The following RPGRIP1 variants were observed in gnomAD, a reference collection of about 807,000 sequenced individuals.
RPGRIP1 encodes X-linked retinitis pigmentosa GTPase regulator-interacting protein 1.
In RPGRIP1, 128 loss-of-function variants were observed where a neutral mutation model predicts 157.9. That is an observed-to-expected ratio of 0.81 (90% CI 0.70 to 0.94). The LOEUF (loss-of-function observed/expected upper bound fraction) is 0.94. Ranked by LOEUF, RPGRIP1 falls within the 40% of genes least tolerant of loss-of-function variation. RPGRIP1 has a pLI of 0.00. For missense variants in RPGRIP1, 1,486 were observed against 1,545.8 expected, an observed-to-expected ratio of 0.96 and a Z score of 0.65; for synonymous variants, 554 against 571.6, an observed-to-expected ratio of 0.97 and a Z score of 0.44.
At chr14:21,330,614 C>G (rs542254309) in intron 20 of RPGRIP1, among the ~76,000 whole-genome samples, 1 of 151,808 alleles carries the variant, frequency 6.6e-6, no homozygotes, top group Non-Finnish European at 1.5e-5. Context: ...TGCAGTGAGC[C>G]GAGATTGCAC....
intron 20 of RPGRIP1, among the ~76,000 whole-genome samples, chr14:21,331,667 G>A (rs187097319): frequency 4.6e-5 from 7 of 152,236 alleles, no homozygotes; most frequent in Non-Finnish European, 8.8e-5. Flanking sequence ...CTAGGAGAAG[G>A]GGAAGAGGGT....
chr14:21,327,785 A>G lies in RPGRIP1; in HGVS notation c.2873A>G (p.Glu958Gly). 3.1e-6 allele frequency: 5 copies of G among 1,600,316 alleles called. No individual in the cohort carries two copies. The highest frequency in any genetic ancestry group is 3.4e-6 in the Non-Finnish European group (4 of 1,173,334). The stretch of plus-strand genomic sequence containing the variant: ...AGTTCAAAGATCTCATCTGAAGAGG[A>G]AAAGGCTTCATTTCCTTCCCAGGTA... ...KDSSKISSEEEKASFPSQDQM... is the reference protein window; with the variant it reads ...KDSSKISSEEGKASFPSQDQM... Residue 958 changes from glutamate (E) to glycine (G), a missense_variant, in exon 18 of 25, where the codon GAA becomes GGA. By Grantham distance (98) the Glu-to-Gly change is moderately conservative (BLOSUM62 -2). Transcript: ENST00000400017.
intron 1 of RPGRIP1, among the ~76,000 whole-genome samples, chr14:21,285,711 T>C (rs1223065272): frequency 3.3e-5 from 5 of 151,340 alleles, no homozygotes; most frequent in African/African-American, 1.2e-4. Context: ...CAAGGTGTGA[T>C]TGGAGGAATA....
chr14:21,335,548 A>G (rs1272703259), intron 21 of RPGRIP1, among the ~76,000 whole-genome samples: 1 of 152,194 alleles, frequency 6.6e-6, no homozygotes, highest in Admixed American at 6.5e-5. Flanking sequence ...AAAGAAAAAA[A>G]AGCCGGTTGC....
chr14:21,307,342 C>G (rs1228635703), intron 6 of RPGRIP1, among the ~76,000 whole-genome samples: 1 of 152,262 alleles, frequency 6.6e-6, no homozygotes, highest in Non-Finnish European at 1.5e-5. Context: ...GCGTGAGCCA[C>G]GGTGCCTGGT....
intron 14 of RPGRIP1, 47 bp downstream of exon 14, chr14:21,322,051 C>T: frequency 1.3e-6 from 2 of 1,549,460 alleles, no homozygotes; most frequent in Non-Finnish European, 1.8e-6. Flanking sequence ...CCTTCCACAG[C>T]TAACGCCTGT....
chr14:21,343,470 C>T (rs574228979), intron 22 of RPGRIP1, among the ~76,000 whole-genome samples: 4 of 152,242 alleles, frequency 2.6e-5, no homozygotes, highest in South Asian at 2.1e-4. Flanking sequence ...CCTCAATCCA[C>T]GGCTTCCCAC....
intron 3 of RPGRIP1, among the ~76,000 whole-genome samples, chr14:21,295,506 G>A (rs1880734283): frequency 7.6e-6 from 1 of 132,176 alleles, no homozygotes; most frequent in African/African-American, 2.9e-5. Flanking sequence ...TTTTTGAGAT[G>A]GAGTTTTGCT....
At chr14:21,334,502 G>A (rs566950966) in intron 20 of RPGRIP1, 103 bp from the exon 21 acceptor site, 5 of 789,784 alleles carry the variant, frequency 6.3e-6, no homozygotes, top group East Asian at 2.7e-5. Context: ...CTAGACACTC[G>A]GAACTAGTGA....
chr14:21,325,313 A>G lies in RPGRIP1; in HGVS notation c.2297A>G (p.Asn766Ser), dbSNP rs183607403. ...FPIKPSLQAC[N>S]KRKKAQVYLS... ...ATAAAACCCAGCCTACAGGCGTGCA[A>G]TAAACGAAAGAAAGCCCAGGTCTAC... The change falls in exon 16 of 25, where the codon AAT becomes AGT. Residue 766 changes from asparagine (N) to serine (S), a missense_variant. Coordinates refer to ENST00000400017, the MANE Select transcript of RPGRIP1 (RefSeq NM_020366.4). The G allele has an allele frequency of 1.3e-5, 21 of 1,610,616 alleles. No individual in the cohort carries two copies. In the African/African-American group the frequency reaches 2.1e-4, roughly 16 times the overall value.
intron 5 of RPGRIP1, 38 bp downstream of exon 5, chr14:21,302,622 C>G: frequency 3.2e-6 from 4 of 1,235,776 alleles, no homozygotes; most frequent in Non-Finnish European, 4.6e-6. Context: ...GTTATTCCTG[C>G]CACTTTAATT....
At chr14:21,333,149 A>G (rs1307554962) in intron 20 of RPGRIP1, among the ~76,000 whole-genome samples, 2 of 152,232 alleles carry the variant, frequency 1.3e-5, no homozygotes, top group Non-Finnish European at 2.9e-5. Context: ...AGTACTCGCA[A>G]GAAGCTAAAA....
In RPGRIP1 at chr14:21,302,093, A is replaced by G. The variant is rs1881060869; in HGVS notation, c.491-395A>G. Among the ~76,000 whole-genome samples, 3 of 152,158 alleles carry G rather than the reference A, an allele frequency of 2.0e-5. No individual in the cohort carries two copies. The South Asian group carries it at 6.2e-4, about 32-fold the overall frequency. ...TTCAAGTTCCATACTCCAGACAACC[A>G]AACGCATGCAAAAACAACTGAAAGT... is the stretch of plus-strand genomic sequence containing the variant. On this transcript the variant is annotated intron_variant, in intron 4 of 24. Coordinates refer to ENST00000400017, the MANE Select transcript of RPGRIP1 (RefSeq NM_020366.4).
intron 23 of RPGRIP1, 62 bp from the exon 24 acceptor site, chr14:21,348,110 T>C (rs568386708): frequency 2.3e-6 from 3 of 1,299,662 alleles, no homozygotes; most frequent in Admixed American, 6.3e-5. Flanking sequence ...CTTTTATCCT[T>C]ATTTTATTTT....
chr14:21,311,066 G>A (rs1881521277), intron 8 of RPGRIP1: 6 of 414,246 alleles, frequency 1.4e-5, no homozygotes, highest in South Asian at 3.5e-5. Context: ...AGTTCCAAAC[G>A]AGACCACCCA....
chr14:21,336,544 A>G (rs755469116), intron 21 of RPGRIP1, among the ~76,000 whole-genome samples: 1 of 152,230 alleles, frequency 6.6e-6, no homozygotes, highest in Non-Finnish European at 1.5e-5. Flanking sequence ...CAAAAACAAC[A>G]GCAACGACAA....
chr14:21,348,660 A>T (rs376073570), intron 24 of RPGRIP1, among the ~76,000 whole-genome samples: 11 of 132,530 alleles, frequency 8.3e-5, no homozygotes, highest in African/African-American at 3.1e-4. Context: ...TCATGCATCC[A>T]GTCTTTTTTT....
In RPGRIP1 at chr14:21,326,559, G is replaced by A. The variant is rs139669760; in HGVS notation, c.2710+386G>A. Among the ~76,000 whole-genome samples the A allele has an allele frequency of 6.9e-3, 1,046 of 152,114 alleles. 16 individuals are homozygous for A. Among genetic ancestry groups the A allele is most frequent in the African/African-American group, 0.023 (952 of 41,474 alleles). ...TAATTTTTGTATTTTTAGTAGAGAT[G>A]GGATTTCTCCATGTTGGTCAGGCTG... On this transcript the variant is annotated intron_variant, in intron 17 of 24. Transcript: ENST00000400017.
chr14:21,310,556 TA>T, intron 7 of RPGRIP1, 27 bp from the exon 8 acceptor site: 1 of 1,186,932 alleles, frequency 8.4e-7, no homozygotes, highest in Non-Finnish European at 1.2e-6. Context: ...GATAAATCAA[TA>T]AAATAATAAT....
Sources: allele counts gnomAD v4.1 joint callset (sites outside exome capture counted in the v4.1 genomes callset), GRCh38; gene constraint gnomAD v4.1.1; transcripts MANE v1.5; gene names NCBI Gene and HGNC (gene_info 2026-07-23, HGNC 2026-07-21).